The following TMCC1 variants were observed in gnomAD, a reference collection of about 807,000 sequenced individuals.
TMCC1 encodes transmembrane and coiled-coil domain family 1.
Under a neutral mutation model 52.4 loss-of-function variants are expected in TMCC1, and 15 were observed. The observed-to-expected ratio is 0.29, with a 90% CI of 0.19 to 0.44. The LOEUF (loss-of-function observed/expected upper bound fraction) is 0.44, where lower values mean the gene tolerates loss of function less well. Ranked by LOEUF, TMCC1 falls within the 20% of genes least tolerant of loss-of-function variation. The pLI is 1.00. For missense variants in TMCC1, 503 were observed against 806.0 expected, an observed-to-expected ratio of 0.62 and a Z score of 4.55; for synonymous variants, 279 against 301.9, an observed-to-expected ratio of 0.92 and a Z score of 0.79.
intron 4 of TMCC1, among the ~76,000 whole-genome samples, chr3:129,769,547 T>C (rs957267932): frequency 3.3e-5 from 5 of 151,848 alleles, no homozygotes; most frequent in Non-Finnish European, 7.4e-5. Context: ...AGATTTTTTT[T>C]TTTTTTTTTG....
At chr3:129,812,541 A>C (rs1184063830) in intron 4 of TMCC1, among the ~76,000 whole-genome samples, 1 of 152,050 alleles carries the variant, frequency 6.6e-6, no homozygotes, top group Non-Finnish European at 1.5e-5. Context: ...TGAAGAAGCT[A>C]TAAATTTATT....
At chr3:129,734,922 A>C (rs935230589) in intron 4 of TMCC1, among the ~76,000 whole-genome samples, 1 of 139,298 alleles carries the variant, frequency 7.2e-6, no homozygotes, top group African/African-American at 2.6e-5. Context: ...TTTTTTTTTG[A>C]GATGGAGTCT....
chr3:129,696,177 A>G (rs1254172162), intron 4 of TMCC1, among the ~76,000 whole-genome samples: 2 of 152,194 alleles, frequency 1.3e-5, no homozygotes, highest in Non-Finnish European at 2.9e-5. Flanking sequence ...TTTGTCACCT[A>G]TTGTCTCTAA....
At chr3:129,733,366 C>T (rs898246581) in intron 4 of TMCC1, among the ~76,000 whole-genome samples, 1 of 152,200 alleles carries the variant, frequency 6.6e-6, no homozygotes, top group Non-Finnish European at 1.5e-5. Context: ...CAATGGCAGA[C>T]TATTCTCTGC....
rs1278481170 is a variant in TMCC1 at position 129,827,391 on chromosome 3, C to T, written c.576+412G>A. 4.6e-5 allele frequency among the ~76,000 whole-genome samples: 7 copies of T among 152,302 alleles called. 1 individual carries two copies. The East Asian group carries it at 1.4e-3, about 29-fold the overall frequency. ...TGAAAATTATAACCAACTTAGTGTA[C>T]TTCCATGGTAAGCACAAACTCAGAT... On this transcript the variant is annotated intron_variant, in intron 4 of 6. Coordinates refer to ENST00000393238, the MANE Select transcript of TMCC1 (RefSeq NM_001017395.5).
chr3:129,838,806 C>T (rs2059290885), intron 2 of TMCC1, among the ~76,000 whole-genome samples: 2 of 137,812 alleles, frequency 1.5e-5, no homozygotes, highest in South Asian at 2.5e-4. Context: ...CATATTCAAA[C>T]TGCTGAAAGC....
chr3:129,728,897 T>C (rs1331064647), intron 4 of TMCC1, among the ~76,000 whole-genome samples: 1 of 152,168 alleles, frequency 6.6e-6, no homozygotes, highest in Non-Finnish European at 1.5e-5. Context: ...GCATGTATCA[T>C]AGTTCATTCC....
intron 4 of TMCC1, among the ~76,000 whole-genome samples, chr3:129,687,220 T>C (rs1438333479): frequency 6.6e-6 from 1 of 152,094 alleles, no homozygotes; most frequent in Non-Finnish European, 1.5e-5. Flanking sequence ...GCTAGGAAAC[T>C]TGGCTCTCCG....
intron 2 of TMCC1, among the ~76,000 whole-genome samples, chr3:129,835,347 T>TA (rs2059112660): frequency 1.3e-5 from 2 of 149,178 alleles, no homozygotes; most frequent in Admixed American, 6.6e-5. Flanking sequence ...ATATATATAT[T>TA]TTAATGACAG....
At chr3:129,846,794 T>A (rs1048997180) in intron 2 of TMCC1, among the ~76,000 whole-genome samples, 4 of 145,572 alleles carry the variant, frequency 2.7e-5, no homozygotes, top group African/African-American at 1.0e-4. Context: ...TTTGGGATGC[T>A]GAGGCAGGAG....
chr3:129,700,864 C>T (rs950934436), intron 4 of TMCC1, among the ~76,000 whole-genome samples: 13 of 152,178 alleles, frequency 8.5e-5, no homozygotes, highest in Non-Finnish European at 1.3e-4. Context: ...ATGGTATACC[C>T]TCCCCCATTA....
Position 129,671,045 on chromosome 3 carries a change from C to T in TMCC1, c.796G>A (p.Ala266Thr). Residue 266 changes from alanine (A) to threonine (T), a missense_variant, in exon 5 of 7, where the codon GCC (alanine) becomes ACC (threonine). Physicochemically the swap from Ala to Thr is moderately conservative, Grantham distance 58 (BLOSUM62 0). Transcript: ENST00000393238. Reference protein sequence around the residue: ...DDNVAEYLKLANSADKQQAAR... With the variant: ...DDNVAEYLKLTNSADKQQAAR... ...GCCTGCTGTTTGTCTGCACTGTTGG[C>T]AAGCTTCAAGTATTCAGCAACGTTG... 6.2e-7 allele frequency: 1 copy of T among 1,614,196 alleles called. No homozygotes were observed. Among genetic ancestry groups the T allele is most frequent in the Non-Finnish European group, 8.5e-7 (1 of 1,180,040 alleles).
intron 1 of TMCC1, among the ~76,000 whole-genome samples, chr3:129,883,795 T>C (rs74841874): frequency 0.056 from 8,505 of 152,150 alleles, 338 homozygotes; most frequent in Middle Eastern, 0.15. Flanking sequence ...CCTGACCAAC[T>C]TGGTTTCACC....
intron 4 of TMCC1, among the ~76,000 whole-genome samples, chr3:129,720,089 G>T (rs1304123372): frequency 6.6e-6 from 1 of 151,674 alleles, no homozygotes; most frequent in African/African-American, 2.4e-5. Context: ...GGCTGAGCCA[G>T]GAGGATGGCT....
intron 2 of TMCC1, among the ~76,000 whole-genome samples, chr3:129,857,701 A>G (rs956317347): frequency 6.6e-6 from 1 of 150,918 alleles, no homozygotes; most frequent in Non-Finnish European, 1.5e-5. Flanking sequence ...AGCTGGGACT[A>G]CAGGCACCCG....
At chr3:129,838,850 A>C (rs994560789) in intron 2 of TMCC1, among the ~76,000 whole-genome samples, 3 of 151,908 alleles carry the variant, frequency 2.0e-5, no homozygotes, top group African/African-American at 7.3e-5. Flanking sequence ...AGAGGGGAAA[A>C]TATGTTACAT....
chr3:129,873,373 G>GAA (rs746434981), intron 2 of TMCC1, among the ~76,000 whole-genome samples: 13 of 127,076 alleles, frequency 1.0e-4, no homozygotes, highest in Non-Finnish European at 1.2e-4. Flanking sequence ...CTATGCAGCT[G>GAA]AAAAAAAAAA....
intron 2 of TMCC1, among the ~76,000 whole-genome samples, chr3:129,846,754 C>A (rs2059681807): frequency 6.6e-6 from 1 of 150,908 alleles, no homozygotes; most frequent in Non-Finnish European, 1.5e-5. Context: ...GCTGGCCAGG[C>A]ATAGTGGCTC....
At chr3:129,759,975 C>A (rs1445444515) in intron 4 of TMCC1, among the ~76,000 whole-genome samples, 2 of 151,852 alleles carry the variant, frequency 1.3e-5, no homozygotes, top group Non-Finnish European at 2.9e-5. Flanking sequence ...CCCGCCTCGG[C>A]CTCCCAAAGT....
Sources: allele counts gnomAD v4.1 joint callset (sites outside exome capture counted in the v4.1 genomes callset), GRCh38; gene constraint gnomAD v4.1.1; transcripts MANE v1.5; gene names NCBI Gene and HGNC (gene_info 2026-07-23, HGNC 2026-07-21).